Variants in NEFL observed in about 807,000 individuals in gnomAD.
NEFL encodes neurofilament light polypeptide.
In NEFL, 36 loss-of-function variants were observed where a neutral mutation model predicts 51.6. That is an observed-to-expected ratio of 0.70 (90% CI 0.53 to 0.92). NEFL has a LOEUF of 0.92. NEFL is among the 40% of genes least tolerant of loss of function. The pLI is 0.00. For synonymous variants in NEFL, 332 were observed against 302.5 expected (o/e 1.10, Z -1.01); for missense variants, 671 against 722.0 (o/e 0.93, Z 0.81).
Position 24,955,053 on chromosome 8 carries a change from G to A in NEFL, c.1044+419C>T, listed in dbSNP as rs1160921040. Among the ~76,000 whole-genome samples the A allele has an allele frequency of 2.0e-5, 3 of 152,190 alleles. No individual in the cohort carries two copies. Among genetic ancestry groups the A allele is most frequent in the Non-Finnish European group, 4.4e-5 (3 of 68,038 alleles). Reference sequence around the variant, plus strand: ...GGTAAAACTAGTCATAAAGCATGCTGGTCACAGTAATCCTTCAGAATTAAT... The same window carrying A: ...GGTAAAACTAGTCATAAAGCATGCTAGTCACAGTAATCCTTCAGAATTAAT... On this transcript the variant is annotated intron_variant, in intron 1 of 3. Transcript: ENST00000610854. The surrounding 1 kb of genome is among the most constrained non-coding windows in gnomAD (Gnocchi z 4.0).
chr8:24,953,038 C>T (rs1253334073), intron 3 of NEFL, 86 bp from the exon 4 acceptor site: 1 of 1,463,472 alleles, frequency 6.8e-7, no homozygotes, highest in Non-Finnish European at 9.1e-7. Flanking sequence ...TTTGCAAACA[C>T]AACTGTCAGA....
Position 24,955,448 on chromosome 8 carries a change from C to G in NEFL, c.1044+24G>C, listed in dbSNP as rs371623670. 40 of 1,555,554 alleles carry G rather than the reference C, an allele frequency of 2.6e-5. No homozygotes were observed. In the African/African-American group the frequency reaches 3.4e-4, roughly 13 times the overall value. On this transcript the variant is annotated intron_variant, in intron 1 of 3. Transcript: ENST00000610854. This position sits in a 1 kb window ranked among gnomAD's most constrained non-coding sequence, Gnocchi z 4.0. ...CCCCCTTGCTCGAGTCCCCCGCCCCCCTGTGTTTCTGGCCGTGCCGCACCT... is the reference window on the plus strand; with the variant it reads ...CCCCCTTGCTCGAGTCCCCCGCCCCGCTGTGTTTCTGGCCGTGCCGCACCT...
chr8:24,953,498 C>T lies in NEFL; in HGVS notation c.1467G>A (p.Glu489=). The T allele has an allele frequency of 1.9e-6, 3 of 1,593,574 alleles. No homozygotes were observed. The highest frequency in any genetic ancestry group is 3.4e-4 in the Middle Eastern group (2 of 5,810). ...TACCTTCTTCCTCTTCAGCTGCCTC[C>T]TCTTCCTCGGCCTCTTCCTTGTCCT... ...EEKDKEEAEE[E]EAAEEEEAAK... Residue 489 remains glutamate (E), a synonymous_variant, in exon 3 of 4, where the codon GAG becomes GAA. Coordinates refer to ENST00000610854, the MANE Select transcript of NEFL (RefSeq NM_006158.5).
chr8:24,956,428 G>C lies in NEFL; in HGVS notation c.88C>G (p.Arg30Gly). The change falls in exon 1 of 4, where the codon CGC becomes GGC. Residue 30 changes from arginine (R) to glycine (G), a missense_variant. Coordinates refer to ENST00000610854, the MANE Select transcript of NEFL (RefSeq NM_006158.5). The surrounding 1 kb of genome is among the most constrained non-coding windows in gnomAD (Gnocchi z 5.9). ...GAGCGTGCGGTGCTGTAGCCGCTGC[G>C]CACGCTGGAGATGTGCACCCGGGGC... ...ETPRVHISSV[R>G]SGYSTARSAY... 6.2e-7 allele frequency: 1 copy of C among 1,602,860 alleles called. No homozygotes were observed.
intron 1 of NEFL, among the ~76,000 whole-genome samples, chr8:24,954,547 C>T (rs1452076042): frequency 6.6e-6 from 1 of 152,070 alleles, no homozygotes; most frequent in African/African-American, 2.4e-5. Flanking sequence ...TGTTTCTTTA[C>T]TTAATACTGT....
intron 2 of NEFL, 119 bp from the exon 3 acceptor site, chr8:24,953,914 G>A: frequency 7.2e-7 from 1 of 1,385,212 alleles, no homozygotes; most frequent in East Asian, 2.5e-5. Context: ...CTTAATGCCT[G>A]GGGATCTTTT....
intron 3 of NEFL, 52 bp downstream of exon 3, chr8:24,953,424 A>G: frequency 6.5e-7 from 1 of 1,543,866 alleles, no homozygotes; most frequent in Non-Finnish European, 8.7e-7. Flanking sequence ...CTCCTAACAA[A>G]TCTCCACACC....
chr8:24,956,141 C>T lies in NEFL; in HGVS notation c.375G>A (p.Leu125=). ...NKVLEAELLV[L]RQKHSEPSRF... ...GGGATGGCTCGGAGTGCTTCTGGCG[C>T]AGCACCAGCAGCTCGGCTTCCAGGA... The change falls in exon 1 of 4, where the codon CTG becomes CTA. Residue 125 remains leucine, a synonymous_variant. Coordinates refer to ENST00000610854, the MANE Select transcript of NEFL (RefSeq NM_006158.5). This position sits in a 1 kb window ranked among gnomAD's most constrained non-coding sequence, Gnocchi z 5.9. The T allele has an allele frequency of 6.2e-7, 1 of 1,609,444 alleles. No individual in the cohort carries two copies. Among genetic ancestry groups the T allele is most frequent in the Non-Finnish European group, 8.5e-7 (1 of 1,178,828 alleles).
Position 24,951,149 on chromosome 8 carries a change from G to C in NEFL, c.*1661C>G, listed in dbSNP as rs1003418276. The C allele has an allele frequency of 3.9e-5, 6 of 152,458 alleles. No individual in the cohort carries two copies. The highest frequency in any genetic ancestry group is 2.0e-4 in the Admixed American group (3 of 15,264). 9.4% of individuals were successfully genotyped at this position (152,458 alleles called of 1,614,324 possible). On this transcript the variant is annotated 3_prime_UTR_variant, in exon 4 of 4. Transcript: ENST00000610854. The stretch of plus-strand genomic sequence containing the variant: ...AGTAAGCAGAAATGTGAAAAGTTTT[G>C]TTTCTGAGGAGACGCCTCATCTTTA...
intron 1 of NEFL, among the ~76,000 whole-genome samples, chr8:24,954,629 A>G (rs965630469): frequency 6.6e-6 from 1 of 152,234 alleles, no homozygotes; most frequent in African/African-American, 2.4e-5. Flanking sequence ...TTCACTGATT[A>G]ACTCTTCTTT....
rs1803033418 is a variant in NEFL, at chr8:24,955,498, G to C, written c.1018C>G (p.Gln340Glu). The change falls in exon 1 of 4, where the codon CAG becomes GAG. Residue 340 changes from glutamine to glutamate, a missense_variant. By Grantham distance (29) the Gln-to-Glu change is conservative. Coordinates refer to ENST00000610854, the MANE Select transcript of NEFL (RefSeq NM_006158.5). This position sits in a 1 kb window ranked among gnomAD's most constrained non-coding sequence, Gnocchi z 4.0. ...EKQLQELEDK[Q>E]NADISAMQDT... ...TGCATAGCGCTGATGTCGGCGTTCT[G>C]CTTGTCCTCCAGCTCCTGCAGCTGC... The C allele has an allele frequency of 6.2e-7, 1 of 1,610,496 alleles. No individual in the cohort carries two copies. The highest frequency in any genetic ancestry group is 1.7e-5 in the Admixed American group (1 of 59,900).
chr8:24,952,531 C>A lies in NEFL; in HGVS notation c.*279G>T. The A allele has an allele frequency of 2.6e-6, 1 of 378,414 alleles. No homozygotes were observed. The highest frequency in any genetic ancestry group is 4.7e-6 in the Non-Finnish European group (1 of 211,044). The allele number at this position is 378,414 out of a possible 1,614,324, so 23.4% of individuals were successfully genotyped here. ...ATGTGGTGTTTTTTATTGTAAACAT[C>A]TGAATGATTCACATTGCCGTAGATC... is the stretch of plus-strand genomic sequence containing the variant. On this transcript the variant is annotated 3_prime_UTR_variant, in exon 4 of 4. Coordinates refer to ENST00000610854, the MANE Select transcript of NEFL (RefSeq NM_006158.5).
At position 24,952,773 on chromosome 8, in the gene NEFL, G is replaced by A. The variant is rs762736197; in HGVS notation, c.*37C>T. ...TGGTGATGGGGTTGACCTGATTTCGGGAGAATTATTCCTGAAATAATTAAG... is the reference window on the plus strand; with the variant it reads ...TGGTGATGGGGTTGACCTGATTTCGAGAGAATTATTCCTGAAATAATTAAG... On this transcript the variant is annotated 3_prime_UTR_variant, in exon 4 of 4. Coordinates refer to ENST00000610854, the MANE Select transcript of NEFL (RefSeq NM_006158.5). The A allele has an allele frequency of 1.2e-6, 2 of 1,613,666 alleles. No individual in the cohort carries two copies. Among genetic ancestry groups the A allele is most frequent in the Non-Finnish European group, 1.7e-6 (2 of 1,179,814 alleles).
Position 24,955,931 on chromosome 8 carries a change from C to A in NEFL, c.585G>T (p.Ala195=). ...GCGCCGCCTCGTCGGCGCCTTTGCG[C>A]GCTTCCATCAGCCGGCCCTCGGCGT... ...REDAEGRLME[A]RKGADEAALA... Residue 195 remains alanine, a synonymous_variant, in exon 1 of 4, where the codon GCG becomes GCT. Transcript: ENST00000610854. This position sits in a 1 kb window ranked among gnomAD's most constrained non-coding sequence, Gnocchi z 4.0. 2 of 1,604,236 alleles carry A rather than the reference C, an allele frequency of 1.2e-6. No homozygotes were observed. Among genetic ancestry groups the A allele is most frequent in the Non-Finnish European group, 1.7e-6 (2 of 1,179,574 alleles).
Position 24,952,819 on chromosome 8 carries a change from C to T in NEFL, c.1623G>A (p.Lys541=). The T allele has an allele frequency of 6.2e-7, 1 of 1,613,884 alleles. No homozygotes were observed. Among genetic ancestry groups the T allele is most frequent in the Non-Finnish European group, 8.5e-7 (1 of 1,179,834 alleles). The stretch of plus-strand genomic sequence containing the variant: ...TTAAGGAAATGGGGGTTCAATCTTT[C>T]TTCTTAGCTGCTTGTTCCTCCCCAG... ...EGAGEEQAAK[K]KD Residue 541 remains lysine (K), a synonymous_variant, in exon 4 of 4, where the codon AAG becomes AAA. Transcript: ENST00000610854.
chr8:24,953,936 G>GA (rs767793304), intron 2 of NEFL, 141 bp from the exon 3 acceptor site: 30 of 1,267,532 alleles, frequency 2.4e-5, no homozygotes, highest in Non-Finnish European at 3.2e-5. Flanking sequence ...ATGGAGACCA[G>GA]AAAAAATATA....
chr8:24,954,451 T>C (rs938513572), intron 1 of NEFL, 146 bp from the exon 2 acceptor site: 49 of 966,184 alleles, frequency 5.1e-5, no homozygotes, highest in Non-Finnish European at 6.8e-5. Context: ...TAACTTCCTG[T>C]ATCTTTTGAA....
intron 2 of NEFL, 99 bp from the exon 3 acceptor site, chr8:24,953,894 T>C (rs1803006040): frequency 6.9e-7 from 1 of 1,446,156 alleles, no homozygotes; most frequent in African/African-American, 1.4e-5. Context: ...AGGGCTGGGA[T>C]TTATCAATAC....
chr8:24,956,492 C>G lies in NEFL; in HGVS notation c.24G>C (p.Pro8=). 6.3e-7 allele frequency: 1 copy of G among 1,599,870 alleles called. No individual in the cohort carries two copies. Among genetic ancestry groups the G allele is most frequent in the Non-Finnish European group, 8.5e-7 (1 of 1,174,454 alleles). Residue 8 remains proline, a synonymous_variant, in exon 1 of 4, where the codon CCG becomes CCC. Coordinates refer to ENST00000610854, the MANE Select transcript of NEFL (RefSeq NM_006158.5). This position sits in a 1 kb window ranked among gnomAD's most constrained non-coding sequence, Gnocchi z 5.9. Reference sequence around the variant, plus strand: ...GCCGCTTGTAGGAGGTCGAGTAGTACGGCTCGTAGCTGAAGGAACTCATGG... The same window carrying G: ...GCCGCTTGTAGGAGGTCGAGTAGTAGGGCTCGTAGCTGAAGGAACTCATGG... MSSFSYE[P]YYSTSYKRRY...
Sources: allele counts gnomAD v4.1 joint callset (sites outside exome capture counted in the v4.1 genomes callset), GRCh38; gene constraint gnomAD v4.1.1; non-coding constraint Gnocchi (gnomAD v3.1); transcripts MANE v1.5; gene names NCBI Gene and HGNC (gene_info 2026-07-23, HGNC 2026-07-21).